ERC2: variants seen among roughly 807,000 people sequenced by gnomAD.
ERC2 encodes the protein ELKS/RAB6-interacting/CAST family member 2.
In ERC2, 42 loss-of-function variants were observed where a neutral mutation model predicts 114.8. That is an observed-to-expected ratio of 0.37 (90% CI 0.29 to 0.47). The LOEUF (loss-of-function observed/expected upper bound fraction) is 0.47, where lower values mean the gene tolerates loss of function less well. Ranked by LOEUF, ERC2 falls within the 20% of genes least tolerant of loss-of-function variation. The pLI is 0.99. For synonymous variants in ERC2, 454 were observed against 425.5 expected (o/e 1.07, Z -0.82); for missense variants, 939 against 1,150.7 (o/e 0.82, Z 2.66).
intron 14 of ERC2, among the ~76,000 whole-genome samples, chr3:55,877,951 T>C (rs1268330958): frequency 2.6e-5 from 4 of 152,146 alleles, no homozygotes; most frequent in Non-Finnish European, 5.9e-5. Context: ...ATTCTTTCAA[T>C]ATGTTGCTGC....
chr3:56,018,270 A>G (rs1485192590), intron 8 of ERC2, among the ~76,000 whole-genome samples: 2 of 152,180 alleles, frequency 1.3e-5, no homozygotes, highest in Non-Finnish European at 2.9e-5. Flanking sequence ...CCAAAGTAGA[A>G]AGTATCAGAC....
chr3:55,978,065 C>T (rs1248888864), intron 12 of ERC2, among the ~76,000 whole-genome samples: 1 of 152,138 alleles, frequency 6.6e-6, no homozygotes, highest in Non-Finnish European at 1.5e-5. Flanking sequence ...ATCCCAGTGC[C>T]TGATACAGAG....
At chr3:56,402,254 A>G (rs1262737087) in intron 2 of ERC2, among the ~76,000 whole-genome samples, 2 of 152,188 alleles carry the variant, frequency 1.3e-5, no homozygotes, top group African/African-American at 4.8e-5. Context: ...TGCACTTTTA[A>G]TTACATGCAA....
intron 3 of ERC2, among the ~76,000 whole-genome samples, chr3:56,240,200 C>A (rs1460061975): frequency 6.6e-6 from 1 of 152,210 alleles, no homozygotes; most frequent in African/African-American, 2.4e-5. Flanking sequence ...CAATGACCAG[C>A]TTCTTCACCA....
intron 13 of ERC2, among the ~76,000 whole-genome samples, chr3:55,922,149 C>T (rs2065467024): frequency 6.6e-6 from 1 of 152,110 alleles, no homozygotes; most frequent in South Asian, 2.1e-4. Context: ...AGTTTCAAAT[C>T]AGTTACTTTA....
intron 4 of ERC2, among the ~76,000 whole-genome samples, chr3:56,168,166 C>T (rs1480973619): frequency 2.6e-5 from 4 of 152,180 alleles, no homozygotes; most frequent in Non-Finnish European, 1.5e-5. Flanking sequence ...GGGCAGGTTG[C>T]TTATCCTCTC....
At chr3:55,937,353 A>G (rs994881458) in intron 13 of ERC2, among the ~76,000 whole-genome samples, 1 of 152,230 alleles carries the variant, frequency 6.6e-6, no homozygotes, top group Non-Finnish European at 1.5e-5. Flanking sequence ...CGTCTCAAAA[A>G]CAAAACAAAA....
intron 2 of ERC2, among the ~76,000 whole-genome samples, chr3:56,313,872 TA>T (rs773323664): frequency 1.3e-5 from 2 of 152,192 alleles, no homozygotes; most frequent in East Asian, 1.9e-4. Flanking sequence ...CTATTCTGAT[TA>T]AAGAAAAAAG....
chr3:56,179,452 G>A (rs1381378441), intron 3 of ERC2, among the ~76,000 whole-genome samples: 2 of 152,194 alleles, frequency 1.3e-5, no homozygotes, highest in Non-Finnish European at 2.9e-5. Context: ...TACTCCCAAT[G>A]TTGTATTGCA....
At chr3:56,318,782 A>AT (rs1042654550) in intron 2 of ERC2, among the ~76,000 whole-genome samples, 4 of 147,956 alleles carry the variant, frequency 2.7e-5, no homozygotes, top group African/African-American at 1.0e-4. Context: ...GATGGCTGTT[A>AT]TAAAAAAAAA....
chr3:55,928,670 A>G (rs2065891694), intron 13 of ERC2, among the ~76,000 whole-genome samples: 1 of 152,224 alleles, frequency 6.6e-6, no homozygotes, highest in South Asian at 2.1e-4. Flanking sequence ...GTATTACTCA[A>G]GAAATCTTTG....
chr3:56,089,373 G>A (rs2077666631), intron 6 of ERC2, among the ~76,000 whole-genome samples: 2 of 152,004 alleles, frequency 1.3e-5, no homozygotes, highest in African/African-American at 2.4e-5. Context: ...CCAAGAGCAA[G>A]GTTTAAGACT....
chr3:55,967,749 G>C (rs993829257), intron 12 of ERC2, among the ~76,000 whole-genome samples: 2 of 152,170 alleles, frequency 1.3e-5, no homozygotes, highest in Admixed American at 6.5e-5. Context: ...GGTCATGGAG[G>C]CACCGTCCTT....
chr3:55,784,716 A>G (rs2069343968), intron 14 of ERC2, among the ~76,000 whole-genome samples: 1 of 152,226 alleles, frequency 6.6e-6, no homozygotes, highest in Non-Finnish European at 1.5e-5. Context: ...ACTATAATGT[A>G]GCTGAAATCT....
intron 7 of ERC2, among the ~76,000 whole-genome samples, chr3:56,074,323 C>T (rs184097190): frequency 4.6e-5 from 7 of 152,082 alleles, no homozygotes; most frequent in East Asian, 1.9e-4. Context: ...GTTACAAGAA[C>T]GCATAACCTA....
chr3:55,645,797 C>T (rs1166464178), intron 17 of ERC2, among the ~76,000 whole-genome samples: 5 of 152,156 alleles, frequency 3.3e-5, no homozygotes, highest in Non-Finnish European at 7.3e-5. Context: ...TTTCCTGCTA[C>T]CTTTTAACCA....
intron 2 of ERC2, among the ~76,000 whole-genome samples, chr3:56,396,618 T>C (rs1483594754): frequency 1.3e-5 from 2 of 152,248 alleles, no homozygotes; most frequent in East Asian, 3.8e-4. Flanking sequence ...TTTAATGACA[T>C]ATCTTAGAGT....
At chr3:55,568,489 G>T (rs1254386445) in intron 17 of ERC2, among the ~76,000 whole-genome samples, 1 of 152,190 alleles carries the variant, frequency 6.6e-6, no homozygotes, top group Non-Finnish European at 1.5e-5. Flanking sequence ...TGGCTGCTCA[G>T]CCCAAAACTC....
intron 2 of ERC2, among the ~76,000 whole-genome samples, chr3:56,346,303 G>A (rs902603167): frequency 8.6e-5 from 13 of 151,906 alleles, no homozygotes; most frequent in African/African-American, 2.9e-4. Flanking sequence ...CTTGCCAACT[G>A]GAACATTTTA....
Sources: allele counts gnomAD v4.1 joint callset (sites outside exome capture counted in the v4.1 genomes callset), GRCh38; gene constraint gnomAD v4.1.1; transcripts MANE v1.5; gene names NCBI Gene and HGNC (gene_info 2026-07-23, HGNC 2026-07-21).